Variants in SOX5 observed in about 807,000 individuals in gnomAD.
The protein encoded by SOX5 is transcription factor SOX-5.
Under a neutral mutation model 92.0 loss-of-function variants are expected in SOX5, and 9 were observed. That is an observed-to-expected ratio of 0.10 (90% CI 0.06 to 0.17). SOX5 has a LOEUF of 0.17. SOX5 is among the 10% of genes least tolerant of loss of function. SOX5 has a pLI of 1.00. For missense variants in SOX5, 642 were observed against 944.5 expected, an observed-to-expected ratio of 0.68 and a Z score of 4.20; for synonymous variants, 344 against 336.3, an observed-to-expected ratio of 1.02 and a Z score of -0.25.
intron 4 of SOX5, among the ~76,000 whole-genome samples, chr12:23,987,446 T>C (rs1363380449): frequency 6.6e-6 from 1 of 152,026 alleles, no homozygotes; most frequent in Admixed American, 6.6e-5. Context: ...AGCTGGAGCA[T>C]AGTAGGGTAG....
intron 2 of SOX5, among the ~76,000 whole-genome samples, chr12:24,365,406 TGTTAAAAG>T (rs1342085821): frequency 3.3e-5 from 5 of 152,198 alleles, no homozygotes; most frequent in African/African-American, 1.2e-4. Context: ...GTCTTCACCT[TGTTAAAAG>T]GTTAATTTCT....
chr12:24,030,721 A>G (rs1199498915), intron 4 of SOX5, among the ~76,000 whole-genome samples: 1 of 151,994 alleles, frequency 6.6e-6, no homozygotes, highest in African/African-American at 2.4e-5. Flanking sequence ...AAGCTTCTGC[A>G]TAGCAAAGGA....
chr12:24,092,163 G>A (rs1168667518), intron 4 of SOX5, among the ~76,000 whole-genome samples: 1 of 152,116 alleles, frequency 6.6e-6, no homozygotes, highest in South Asian at 2.1e-4. Context: ...TCCTATTCCT[G>A]AGAAAAATTC....
intron 6 of SOX5, among the ~76,000 whole-genome samples, 170 bp from the exon 7 acceptor site, chr12:23,665,734 A>G (rs1166648208): frequency 1.3e-5 from 2 of 152,214 alleles, no homozygotes; most frequent in Non-Finnish European, 2.9e-5. Flanking sequence ...TACCTTAAAC[A>G]GCAGAACTAG....
chr12:23,854,845 C>T (rs1023522604), intron 2 of SOX5, among the ~76,000 whole-genome samples: 2 of 151,950 alleles, frequency 1.3e-5, no homozygotes, highest in East Asian at 3.9e-4. Context: ...CATCTAATAC[C>T]TCACTGGGTT....
At chr12:23,945,828 C>T (rs1019842134) in intron 1 of SOX5, among the ~76,000 whole-genome samples, 3 of 152,078 alleles carry the variant, frequency 2.0e-5, no homozygotes, top group Non-Finnish European at 4.4e-5. Flanking sequence ...ATGAGCACAA[C>T]GGATTTTTTT....
chr12:24,235,924 T>A (rs6487381), intron 3 of SOX5, among the ~76,000 whole-genome samples: 5,671 of 152,238 alleles, frequency 0.037, 152 homozygotes, highest in Middle Eastern at 0.068. Flanking sequence ...GTGTGGTGGC[T>A]CACGCCTGTA....
chr12:23,736,670 A>AC (rs1453012502), intron 5 of SOX5, among the ~76,000 whole-genome samples: 2 of 151,258 alleles, frequency 1.3e-5, no homozygotes, highest in African/African-American at 4.9e-5. Context: ...GTAAAAAAAA[A>AC]ACACATTTTG....
intron 3 of SOX5, among the ~76,000 whole-genome samples, chr12:23,830,582 A>C (rs752431181): frequency 1.3e-5 from 2 of 152,158 alleles, no homozygotes; most frequent in Non-Finnish European, 1.5e-5. Context: ...ACCTCTGCCA[A>C]TTAAAGTATC....
intron 4 of SOX5, among the ~76,000 whole-genome samples, chr12:24,029,569 C>CCAGCCCAT (rs71059966): frequency 0.077 from 11,624 of 151,926 alleles, 623 homozygotes; most frequent in Non-Finnish European, 0.12. Context: ...ACCACTGAGC[C>CCAGCCCAT]CAGCCCATTT....
intron 3 of SOX5, among the ~76,000 whole-genome samples, chr12:23,832,754 T>A (rs569537648): frequency 6.6e-6 from 1 of 151,858 alleles, no homozygotes; most frequent in East Asian, 1.9e-4. Context: ...GTAAATATAT[T>A]TTTTTACAAC....
chr12:24,150,842 T>G (rs1187507804), intron 4 of SOX5, among the ~76,000 whole-genome samples: 1 of 152,024 alleles, frequency 6.6e-6, no homozygotes, highest in South Asian at 2.1e-4. Context: ...ACAGAATGGT[T>G]GCAGGGCTGG....
intron 4 of SOX5, among the ~76,000 whole-genome samples, chr12:23,964,366 G>A (rs1411538108): frequency 2.6e-5 from 4 of 152,042 alleles, no homozygotes; most frequent in Non-Finnish European, 4.4e-5. Context: ...AGAAAAAGCT[G>A]CTTAATATCC....
At chr12:23,897,051 A>T (rs1039969857) in intron 1 of SOX5, among the ~76,000 whole-genome samples, 1 of 152,164 alleles carries the variant, frequency 6.6e-6, no homozygotes, top group African/African-American at 2.4e-5. Flanking sequence ...AAAATATTTA[A>T]TTTAAAAAAC....
intron 1 of SOX5, among the ~76,000 whole-genome samples, chr12:24,542,138 C>A (rs1290041223): frequency 2.0e-5 from 3 of 152,146 alleles, no homozygotes; most frequent in Admixed American, 1.3e-4. Context: ...ATATATGACC[C>A]CTGCCTCCTC....
chr12:23,915,933 T>A (rs1247209706), intron 1 of SOX5, among the ~76,000 whole-genome samples: 5 of 152,174 alleles, frequency 3.3e-5, no homozygotes, highest in African/African-American at 1.2e-4. Context: ...ATTGTATCAC[T>A]GAACTTGCTG....
At chr12:24,273,633 G>A (rs568622367) in intron 3 of SOX5, among the ~76,000 whole-genome samples, 20 of 152,068 alleles carry the variant, frequency 1.3e-4, no homozygotes, top group South Asian at 4.1e-4. Flanking sequence ...TCCAACAATC[G>A]GTTTTTTGGC....
chr12:24,273,725 C>T (rs1183661213), intron 3 of SOX5, among the ~76,000 whole-genome samples: 1 of 152,100 alleles, frequency 6.6e-6, no homozygotes, highest in Non-Finnish European at 1.5e-5. Context: ...CCTTTTATTA[C>T]ACTGAGTTTA....
chr12:23,821,597 G>A (rs1327241807), intron 3 of SOX5, among the ~76,000 whole-genome samples: 1 of 151,470 alleles, frequency 6.6e-6, no homozygotes, highest in Non-Finnish European at 1.5e-5. Flanking sequence ...TTTAGCATGA[G>A]AAGGCCTTTT....
Sources: allele counts gnomAD v4.1 joint callset (sites outside exome capture counted in the v4.1 genomes callset), GRCh38; gene constraint gnomAD v4.1.1; transcripts MANE v1.5; gene names NCBI Gene and HGNC (gene_info 2026-07-23, HGNC 2026-07-21).